Variants in SYTL5 observed in about 807,000 individuals in gnomAD.
The protein encoded by SYTL5 is synaptotagmin-like protein 5.
SYTL5 carries 34 observed loss-of-function variants against 55.9 expected under a neutral mutation model. The observed-to-expected ratio is 0.61, with a 90% CI of 0.46 to 0.81. The LOEUF is 0.81. Ranked by LOEUF, SYTL5 falls within the 30% of genes least tolerant of loss-of-function variation. The pLI is 0.00. For synonymous variants in SYTL5, 221 were observed against 188.7 expected, an observed-to-expected ratio of 1.17 and a Z score of -1.40; for missense variants, 637 against 546.7, an observed-to-expected ratio of 1.17 and a Z score of -1.65.
the SYTL5 span, among the ~76,000 whole-genome samples, chrX:37,917,569 C>A: frequency 1.8e-5 from 2 of 111,835 alleles, no homozygotes; most frequent in African/African-American, 6.5e-5. Context: ...TTTCCATTTC[C>A]TTATCTAATT....
chrX:37,954,524 G>T, the SYTL5 span, among the ~76,000 whole-genome samples: 1 of 111,621 alleles, frequency 9.0e-6, no homozygotes, highest in Non-Finnish European at 1.9e-5. Flanking sequence ...AGAACAAGAA[G>T]GGAACTTTAC....
chrX:37,904,127 C>G, the SYTL5 span, among the ~76,000 whole-genome samples: 2 of 110,004 alleles, frequency 1.8e-5, no homozygotes, highest in Non-Finnish European at 3.8e-5. Context: ...GATTGCTTTG[C>G]GCAAGAAGAC....
intron 11 of SYTL5, among the ~76,000 whole-genome samples, chrX:38,107,352 G>C (rs1026062735): frequency 1.8e-5 from 2 of 111,811 alleles, no homozygotes; most frequent in Admixed American, 9.5e-5. Flanking sequence ...GAGAGATCAG[G>C]CTCAAGCTTT....
intron 2 of SYTL5, among the ~76,000 whole-genome samples, chrX:38,044,285 G>A (rs2144994): frequency 0.29 from 32,051 of 110,793 alleles, 6,332 homozygotes; most frequent in African/African-American, 0.71. Context: ...ACCTTTATCT[G>A]TGAAAATGTG....
the SYTL5 span, among the ~76,000 whole-genome samples, chrX:37,950,085 T>C: frequency 8.9e-6 from 1 of 111,982 alleles, no homozygotes; most frequent in African/African-American, 3.2e-5. Flanking sequence ...TCAATACCTA[T>C]TTAAATCTTT....
At chrX:38,080,042 T>A (rs1602375902) in intron 6 of SYTL5, among the ~76,000 whole-genome samples, 1 of 111,836 alleles carries the variant, frequency 8.9e-6, no homozygotes, top group African/African-American at 3.2e-5. Flanking sequence ...GTATTTTATC[T>A]GACAACTCTT....
intron 2 of SYTL5, among the ~76,000 whole-genome samples, chrX:38,046,241 A>G (rs1960492427): frequency 9.0e-6 from 1 of 111,557 alleles, no homozygotes; most frequent in African/African-American, 3.3e-5. Context: ...TGTCAAAGCA[A>G]TGGTATGACA....
intron 2 of SYTL5, among the ~76,000 whole-genome samples, chrX:38,038,066 A>G (rs1330586600): frequency 9.0e-6 from 1 of 111,526 alleles, no homozygotes; most frequent in African/African-American, 3.3e-5. Context: ...CTCTATTCAG[A>G]CCTTCAGCGG....
At chrX:37,957,378 CT>C in the SYTL5 span, among the ~76,000 whole-genome samples, 1 of 111,757 alleles carries the variant, frequency 8.9e-6, no homozygotes, top group African/African-American at 3.3e-5. Context: ...GAAGCTTTCC[CT>C]GCTGTGTTTT....
Position 38,126,855 on chromosome X carries a change from G to A in SYTL5, c.*125G>A, listed in dbSNP as rs1340757105. On this transcript the variant is annotated 3_prime_UTR_variant, in exon 17 of 17. Transcript: ENST00000297875. ...CTCACCTGACAGTGTTGGGACATGA[G>A]GGGAGAGATGTCAGTAGTATGAACA... 7.3e-6 allele frequency: 5 copies of A among 684,672 alleles called. No homozygotes were observed. Among genetic ancestry groups the A allele is most frequent in the Non-Finnish European group, 1.1e-5 (5 of 471,017 alleles). The allele number at this position is 684,672 out of a possible 1,213,427, so 56.4% of individuals were successfully genotyped here. A position where few individuals can be genotyped will look rare whatever the true frequency, so the allele number is the denominator to read the frequency against.
At chrX:38,077,859 C>T (rs763202329) in intron 6 of SYTL5, among the ~76,000 whole-genome samples, 6 of 111,560 alleles carry the variant, frequency 5.4e-5, no homozygotes, top group Admixed American at 9.5e-5. Flanking sequence ...CTGTGTCCCA[C>T]AAAACTTTCT....
At chrX:37,970,944 A>G in the SYTL5 span, among the ~76,000 whole-genome samples, 1 of 112,416 alleles carries the variant, frequency 8.9e-6, no homozygotes, top group African/African-American at 3.2e-5. Flanking sequence ...ATGCAAACAT[A>G]ATGTTAACAA....
At chrX:37,908,579 C>T in the SYTL5 span, among the ~76,000 whole-genome samples, 1 of 111,561 alleles carries the variant, frequency 9.0e-6, no homozygotes, top group Non-Finnish European at 1.9e-5. Context: ...GTGATCGTAT[C>T]AATGTTCTGG....
At chrX:38,075,206 C>T (rs73467421) in intron 5 of SYTL5, among the ~76,000 whole-genome samples, 5,494 of 111,432 alleles carry the variant, frequency 0.049, 115 homozygotes, top group Middle Eastern at 0.083. Context: ...ATCATTGAAA[C>T]CATTGTAGCA....
chrX:37,943,248 A>G, the SYTL5 span, among the ~76,000 whole-genome samples: 1 of 112,054 alleles, frequency 8.9e-6, no homozygotes. Context: ...GGAAAGGAAA[A>G]CTAAGGTGAA....
At position 38,040,173 on chromosome X, in the gene SYTL5, C is replaced by CA. The variant is rs61501646; in HGVS notation, c.119+6179dup. On this transcript the variant is annotated intron_variant, in intron 2 of 16. Transcript: ENST00000297875. ...TGGGCGACAGAGCGAGACTCCATCT[C>CA]AAAAAAAAAAAAAAGTTTTAAATAT... Among the ~76,000 whole-genome samples the CA allele has an allele frequency of 1.6e-3, 133 of 83,248 alleles. 3 individuals carry two copies. Among genetic ancestry groups the CA allele is most frequent in the South Asian group, 1.1e-3 (2 of 1,789 alleles). 72.3% of individuals were successfully genotyped at this position (83,248 alleles called of 115,157 possible). A position where few individuals can be genotyped will look rare whatever the true frequency, so the allele number is the denominator to read the frequency against.
chrX:38,070,161 C>A (rs750561228), intron 3 of SYTL5, among the ~76,000 whole-genome samples: 1 of 111,463 alleles, frequency 9.0e-6, no homozygotes, highest in Non-Finnish European at 1.9e-5. Context: ...CCTCAGATTC[C>A]GAAGCAGATT....
chrX:37,953,719 T>C, the SYTL5 span, among the ~76,000 whole-genome samples: 1 of 111,725 alleles, frequency 9.0e-6, no homozygotes, highest in African/African-American at 3.2e-5. Context: ...CCCATCCCTC[T>C]ACTAATCACC....
intron 1 of SYTL5, among the ~76,000 whole-genome samples, chrX:38,009,528 C>T (rs939256311): frequency 8.9e-6 from 1 of 111,935 alleles, no homozygotes; most frequent in Non-Finnish European, 1.9e-5. Context: ...ATATCCAAAC[C>T]ACTACCAAGT....
Sources: allele counts gnomAD v4.1 joint callset (sites outside exome capture counted in the v4.1 genomes callset), GRCh38; gene constraint gnomAD v4.1.1; transcripts MANE v1.5; gene names NCBI Gene and HGNC (gene_info 2026-07-23, HGNC 2026-07-21).